AP2S1: variants seen among roughly 807,000 people sequenced by gnomAD.
AP2S1 encodes AP-2 complex subunit sigma.
In AP2S1, 6 loss-of-function variants were observed where a neutral mutation model predicts 21.0. That is an observed-to-expected ratio of 0.29 (90% CI 0.16 to 0.56). The LOEUF (loss-of-function observed/expected upper bound fraction) is 0.56, where lower values mean the gene tolerates loss of function less well. AP2S1 is among the 20% of genes least tolerant of loss of function. The pLI, the probability that AP2S1 is intolerant of heterozygous loss-of-function variation, is 0.92. For missense variants in AP2S1, 60 were observed against 186.2 expected, an observed-to-expected ratio of 0.32 and a Z score of 3.95; for synonymous variants, 63 against 74.6, an observed-to-expected ratio of 0.84 and a Z score of 0.80.
At chr19:46,839,380 G>A (rs2055473925) in intron 3 of AP2S1, 85 bp downstream of exon 3, 1 of 1,478,060 alleles carries the variant, frequency 6.8e-7, no homozygotes, top group Non-Finnish European at 9.4e-7. Flanking sequence ...GGGCTCAGGA[G>A]GGACCAGGGA....
At chr19:46,850,249 C>T in intron 1 of AP2S1, 2 of 1,233,304 alleles carry the variant, frequency 1.6e-6, no homozygotes, top group Non-Finnish European at 2.0e-6. Context: ...CCCTCTCTCA[C>T]AGGCAGTCTC....
rs557497251 is a variant in AP2S1 at position 46,850,126 on chromosome 19, C to A, written c.3+638G>T. 3.2e-6 allele frequency: 4 copies of A among 1,231,602 alleles called. No individual in the cohort carries two copies. The African/African-American group carries it at 6.2e-5, about 19-fold the overall frequency. 76.3% of individuals were successfully genotyped at this position (1,231,602 alleles called of 1,614,324 possible). On this transcript the variant is annotated intron_variant, in intron 1 of 4. Transcript: ENST00000263270. ...TTGCTCCCCATTCTTTCCGAGTGTC[C>A]ATCTTACCTCCAGGTCCTCTCTCCT...
chr19:46,839,511 T>C lies in AP2S1; in HGVS notation c.221A>G (p.Asn74Ser). ...CTCCAGGTAAGCCAGGTTGTTGTCA[T>C]TGACATCCACACAGATGCAGAAGTA... ...GLYFCICVDVNDNNLAYLEAI... is the reference protein window; with the variant it reads ...GLYFCICVDVSDNNLAYLEAI... Residue 74 changes from asparagine (N) to serine (S), a missense_variant, in exon 3 of 5, where the codon AAT (asparagine) becomes AGT (serine). Asn to Ser is a conservative substitution (Grantham distance 46). Transcript: ENST00000263270. 3 of 1,600,338 alleles carry C rather than the reference T, an allele frequency of 1.9e-6. No homozygotes were observed. Among genetic ancestry groups the C allele is most frequent in the Non-Finnish European group, 2.6e-6 (3 of 1,170,282 alleles).
At chr19:46,839,647 A>G (rs900107117) in intron 2 of AP2S1, 69 bp from the exon 3 acceptor site, 1 of 1,609,550 alleles carries the variant, frequency 6.2e-7, no homozygotes, top group Admixed American at 1.7e-5. Context: ...AGTGGGGCCA[A>G]AACATTCACT....
chr19:46,839,438 C>CCCCCCAAAAAAACAAAAACCCCCCA, intron 3 of AP2S1, 27 bp downstream of exon 3: 1 of 1,577,424 alleles, frequency 6.3e-7, no homozygotes. Flanking sequence ...ACCCGCCTCC[C>CCCCCCAAAAAAACAAAAACCCCCCA]CACCTTACAT....
At chr19:46,840,720 A>ATT (rs781138883) in intron 2 of AP2S1, among the ~76,000 whole-genome samples, 21,826 of 110,606 alleles carry the variant, frequency 0.2, 3,429 homozygotes, top group East Asian at 0.46. Context: ...AGTCTTCGGC[A>ATT]TTTTTTTTTT....
rs963735929 is a variant in AP2S1, at chr19:46,850,360, C to T, written c.3+404G>A. On this transcript the variant is annotated intron_variant, in intron 1 of 4. Transcript: ENST00000263270. ...CTCCCTCCCCTTTTCCAAGGTCTCG[C>T]GTTCTCGTCCCAGCGCTCCCGCCAC... The T allele has an allele frequency of 1.4e-5, 18 of 1,243,896 alleles. No homozygotes were observed. In the East Asian group the frequency reaches 5.0e-4, roughly 35 times the overall value. The allele number at this position is 1,243,896 out of a possible 1,614,324, so 77.1% of individuals were successfully genotyped here.
At chr19:46,839,426 CCA>C in intron 3 of AP2S1, 37 bp downstream of exon 3, 1 of 1,008,710 alleles carries the variant, frequency 9.9e-7, no homozygotes, top group Non-Finnish European at 1.5e-6. Context: ...CCAGGGCTGC[CCA>C]CCCGCCTCCC....
chr19:46,845,910 C>G, intron 2 of AP2S1, 83 bp downstream of exon 2: 1 of 1,580,800 alleles, frequency 6.3e-7, no homozygotes, highest in Non-Finnish European at 8.6e-7. Flanking sequence ...CCAAGGGGTT[C>G]TTGCAACTAG....
At chr19:46,839,677 C>A in intron 2 of AP2S1, 99 bp from the exon 3 acceptor site, 3 of 1,560,686 alleles carry the variant, frequency 1.9e-6, no homozygotes, top group South Asian at 2.4e-5. Flanking sequence ...CATACGTGGT[C>A]CCGAGGCCCA....
At chr19:46,847,341 C>T in intron 1 of AP2S1, among the ~76,000 whole-genome samples, 1 of 151,912 alleles carries the variant, frequency 6.6e-6, no homozygotes, top group Non-Finnish European at 1.5e-5. Context: ...GCAGGCCTCC[C>T]AGGTAGCTGG....
chr19:46,838,653 G>C lies in AP2S1; in HGVS notation c.327+87C>G. Reference sequence around the variant, plus strand: ...CCCTCGAGCTGGGACACAGACCTCAGCAGAGGCTCCGGGTGGCTAGTGCAC... The same window carrying C: ...CCCTCGAGCTGGGACACAGACCTCACCAGAGGCTCCGGGTGGCTAGTGCAC... On this transcript the variant is annotated intron_variant, in intron 4 of 4. Transcript: ENST00000263270. The surrounding 1 kb of genome is among the most constrained non-coding windows in gnomAD (Gnocchi z 4.1). 9.6e-6 allele frequency: 15 copies of C among 1,569,958 alleles called. No individual in the cohort carries two copies. Among genetic ancestry groups the C allele is most frequent in the Non-Finnish European group, 1.3e-5 (15 of 1,141,556 alleles).
At chr19:46,841,676 G>A (rs1039753281) in intron 2 of AP2S1, among the ~76,000 whole-genome samples, 1 of 152,240 alleles carries the variant, frequency 6.6e-6, no homozygotes, top group Non-Finnish European at 1.5e-5. Context: ...GCCCTGCAAA[G>A]GGCTGGCACA....
rs1292950735 is a variant in AP2S1 at position 46,838,564 on chromosome 19, C to T, written c.328-16G>A. 1 of 1,613,830 alleles carries T rather than the reference C, an allele frequency of 6.2e-7. No individual in the cohort carries two copies. The highest frequency in any genetic ancestry group is 8.5e-7 in the Non-Finnish European group (1 of 1,179,824). On this transcript the variant is annotated splice_polypyrimidine_tract_variant and intron_variant, in intron 4 of 4. Transcript: ENST00000263270. The surrounding 1 kb of genome is among the most constrained non-coding windows in gnomAD (Gnocchi z 4.1). ...CCGTGTAAACCTGTGTGAGGGGAGA[C>T]CCTGGGGTGAGACGAGGCCCCCCAG...
At chr19:46,848,777 TG>T (rs2055680395) in intron 1 of AP2S1, among the ~76,000 whole-genome samples, 1 of 152,134 alleles carries the variant, frequency 6.6e-6, no homozygotes, top group East Asian at 1.9e-4. Context: ...GCAGTGGCAC[TG>T]TCTCGGTTCA....
intron 1 of AP2S1, chr19:46,850,531 C>T (rs1306714190): frequency 3.2e-6 from 2 of 619,730 alleles, no homozygotes; most frequent in African/African-American, 3.9e-5. Flanking sequence ...GCCCTTTCCC[C>T]TTGGAACACC....
At chr19:46,839,717 C>T (rs993071007) in intron 2 of AP2S1, 139 bp from the exon 3 acceptor site, 21 of 1,415,602 alleles carry the variant, frequency 1.5e-5, no homozygotes, top group Non-Finnish European at 2.0e-5. Flanking sequence ...GCTGGGGTCA[C>T]AGCAGTGACC....
chr19:46,838,442 T>C lies in AP2S1; in HGVS notation c.*5A>G, dbSNP rs559271873. On this transcript the variant is annotated 3_prime_UTR_variant, in exon 5 of 5. Coordinates refer to ENST00000263270, the MANE Select transcript of AP2S1 (RefSeq NM_004069.6). This position sits in a 1 kb window ranked among gnomAD's most constrained non-coding sequence, Gnocchi z 4.1. The stretch of plus-strand genomic sequence containing the variant: ...GGCCGGGGCCGGGGTGGGGCTCGCC[T>C]GCCCTCACTCCAGGGACTGTAGCAT... 25 of 1,614,024 alleles carry C rather than the reference T, an allele frequency of 1.5e-5. No homozygotes were observed. In the South Asian group the frequency reaches 2.7e-4, roughly 18 times the overall value.
At chr19:46,839,427 C>CCCCCCCCCCCCCCCCAAAAAA in intron 3 of AP2S1, 38 bp downstream of exon 3, 4 of 1,505,490 alleles carry the variant, frequency 2.7e-6, no homozygotes, top group African/African-American at 1.4e-5. Flanking sequence ...CAGGGCTGCC[C>CCCCCCCCCCCCCCCCAAAAAA]ACCCGCCTCC....
Sources: allele counts gnomAD v4.1 joint callset (sites outside exome capture counted in the v4.1 genomes callset), GRCh38; gene constraint gnomAD v4.1.1; non-coding constraint Gnocchi (gnomAD v3.1); transcripts MANE v1.5; gene names NCBI Gene and HGNC (gene_info 2026-07-23, HGNC 2026-07-21).